The following ARMC8 variants were observed in gnomAD, a reference collection of about 807,000 sequenced individuals.
The protein encoded by ARMC8 is armadillo repeat-containing protein 8.
A neutral mutation model predicts 99.3 loss-of-function variants in ARMC8; 20 were observed. That is an observed-to-expected ratio of 0.20 (90% CI 0.14 to 0.29). The LOEUF (loss-of-function observed/expected upper bound fraction) is 0.29, where lower values mean the gene tolerates loss of function less well. Among genes scored for constraint, ARMC8 ranks in the 10% least tolerant of loss-of-function variants. The probability of loss-of-function intolerance (pLI) is 1.00; values close to 1 mark genes in which losing one functional copy is unlikely to be tolerated. For synonymous variants in ARMC8, 263 were observed against 278.3 expected (o/e 0.95, Z 0.55); for missense variants, 569 against 809.5 (o/e 0.70, Z 3.60).
At chr3:138,258,502 T>C (rs2047510628) in intron 12 of ARMC8, among the ~76,000 whole-genome samples, 1 of 152,236 alleles carries the variant, frequency 6.6e-6, no homozygotes, top group Admixed American at 6.5e-5. Flanking sequence ...TTTCAAGTTG[T>C]TGGAGTTCCT....
chr3:138,259,572 C>A (rs1201808343), intron 12 of ARMC8, among the ~76,000 whole-genome samples: 1 of 152,144 alleles, frequency 6.6e-6, no homozygotes, highest in East Asian at 1.9e-4. Flanking sequence ...CTTTCTAGAA[C>A]CCTAGCAGGG....
intron 18 of ARMC8, among the ~76,000 whole-genome samples, chr3:138,278,745 G>A (rs981383054): frequency 6.6e-6 from 1 of 152,030 alleles, no homozygotes; most frequent in Non-Finnish European, 1.5e-5. Flanking sequence ...GCAGTGTTTT[G>A]TAGTTTTTGA....
At chr3:138,211,918 A>G (rs992836484) in intron 2 of ARMC8, among the ~76,000 whole-genome samples, 8 of 152,174 alleles carry the variant, frequency 5.3e-5, no homozygotes, top group African/African-American at 1.9e-4. Flanking sequence ...AAAAAAAAAG[A>G]TAATTCTCCT....
intron 6 of ARMC8, among the ~76,000 whole-genome samples, chr3:138,232,593 G>A (rs1024254853): frequency 6.6e-6 from 1 of 152,134 alleles, no homozygotes; most frequent in Admixed American, 6.5e-5. Flanking sequence ...TAACTATAGG[G>A]TACTAGTTAA....
intron 1 of ARMC8, among the ~76,000 whole-genome samples, chr3:138,200,586 AG>A (rs1373143645): frequency 3.3e-5 from 5 of 152,234 alleles, no homozygotes; most frequent in African/African-American, 9.6e-5. Context: ...ACTAGATATC[AG>A]TAGCATTTGC....
At chr3:138,263,668 C>T (rs1296613057) in intron 12 of ARMC8, 71 bp from the exon 13 acceptor site, 3 of 1,263,612 alleles carry the variant, frequency 2.4e-6, no homozygotes, top group Non-Finnish European at 3.5e-6. Context: ...TGTTAACATA[C>T]TTGCATTTAC....
chr3:138,235,449 T>C (rs1156339878), intron 7 of ARMC8, among the ~76,000 whole-genome samples: 1 of 152,338 alleles, frequency 6.6e-6, no homozygotes, highest in South Asian at 2.1e-4. Flanking sequence ...AATTTCATAT[T>C]TGAGACCTTT....
intron 11 of ARMC8, among the ~76,000 whole-genome samples, chr3:138,244,805 C>T (rs987582731): frequency 1.3e-5 from 2 of 152,154 alleles, no homozygotes; most frequent in Admixed American, 1.3e-4. Context: ...CTGAATTTTT[C>T]GGAGTCAGAG....
intron 14 of ARMC8, 131 bp downstream of exon 14, chr3:138,264,343 C>A: frequency 5.5e-6 from 3 of 549,952 alleles, no homozygotes; most frequent in Non-Finnish European, 6.5e-6. Flanking sequence ...TTTATCTCCT[C>A]AAATCTGATA....
intron 15 of ARMC8, among the ~76,000 whole-genome samples, chr3:138,267,840 A>G (rs1345040736): frequency 6.6e-6 from 1 of 152,214 alleles, no homozygotes; most frequent in East Asian, 1.9e-4. Context: ...CTGCCCAATT[A>G]TGAACTCAGG....
At chr3:138,215,378 G>A (rs929900588) in intron 2 of ARMC8, among the ~76,000 whole-genome samples, 11 of 151,730 alleles carry the variant, frequency 7.2e-5, no homozygotes, top group African/African-American at 2.2e-4. Flanking sequence ...CACCATGCCC[G>A]GCTAATTTTT....
At chr3:138,219,402 G>A (rs1376122226) in intron 2 of ARMC8, among the ~76,000 whole-genome samples, 1 of 152,192 alleles carries the variant, frequency 6.6e-6, no homozygotes, top group African/African-American at 2.4e-5. Context: ...ACAAAGTGAT[G>A]ACCTGGGGGT....
intron 7 of ARMC8, among the ~76,000 whole-genome samples, 158 bp downstream of exon 7, chr3:138,235,272 TAAAA>T (rs35705979): frequency 7.2e-6 from 1 of 139,500 alleles, no homozygotes. Flanking sequence ...GAATGCTCTT[TAAAA>T]AAAAAAAAAA....
rs528752119 is a variant in ARMC8, at chr3:138,228,653, A to T, written c.436-265A>T. The T allele has an allele frequency of 1.7e-3, 834 of 483,796 alleles. 11 individuals are homozygous for T. The highest frequency in any genetic ancestry group is 0.013 in the South Asian group (811 of 62,966). 30.0% of individuals were successfully genotyped at this position (483,796 alleles called of 1,614,324 possible). A position where few individuals can be genotyped will look rare whatever the true frequency, so the allele number is the denominator to read the frequency against. ...TTATTGAAATGATTTTATCATGAGG[A>T]TGTAGGCAATTTTTGAGAGAGTTAT... is the stretch of plus-strand genomic sequence containing the variant. On this transcript the variant is annotated intron_variant, in intron 5 of 21. Coordinates refer to ENST00000469044, the MANE Select transcript of ARMC8 (RefSeq NM_001363941.2).
At chr3:138,216,257 A>G (rs371153932) in intron 2 of ARMC8, among the ~76,000 whole-genome samples, 1 of 152,176 alleles carries the variant, frequency 6.6e-6, no homozygotes, top group African/African-American at 2.4e-5. Context: ...ACTAAATTAA[A>G]GTCAATTCTG....
intron 1 of ARMC8, among the ~76,000 whole-genome samples, chr3:138,189,430 C>T (rs1439125376): frequency 6.6e-6 from 1 of 152,118 alleles, no homozygotes; most frequent in Non-Finnish European, 1.5e-5. Context: ...TAAAGTGAAA[C>T]CTGTACCTTT....
chr3:138,236,637 T>C (rs938933462), intron 7 of ARMC8, among the ~76,000 whole-genome samples: 1 of 152,100 alleles, frequency 6.6e-6, no homozygotes, highest in African/African-American at 2.4e-5. Flanking sequence ...CAGCTACCTA[T>C]CCTGTGAGTG....
At chr3:138,275,231 G>A (rs1005488573) in intron 18 of ARMC8, among the ~76,000 whole-genome samples, 4 of 152,194 alleles carry the variant, frequency 2.6e-5, no homozygotes, top group African/African-American at 9.7e-5. Flanking sequence ...TTTTGACATA[G>A]GTTTTGGCTA....
intron 10 of ARMC8, 47 bp from the exon 11 acceptor site, chr3:138,241,736 C>T: frequency 6.4e-7 from 1 of 1,556,212 alleles, no homozygotes; most frequent in Non-Finnish European, 8.9e-7. Flanking sequence ...TATGCTTAAG[C>T]TTTTACCTTT....
Sources: allele counts gnomAD v4.1 joint callset (sites outside exome capture counted in the v4.1 genomes callset), GRCh38; gene constraint gnomAD v4.1.1; transcripts MANE v1.5; gene names NCBI Gene and HGNC (gene_info 2026-07-23, HGNC 2026-07-21).